CCSER2: variants seen among roughly 807,000 people sequenced by gnomAD.
CCSER2 encodes the protein serine-rich coiled-coil domain-containing protein 2.
CCSER2 carries 46 observed loss-of-function variants against 92.3 expected under a neutral mutation model. The observed-to-expected ratio is 0.50, with a 90% CI of 0.39 to 0.64. The LOEUF (loss-of-function observed/expected upper bound fraction) is 0.64, where lower values mean the gene tolerates loss of function less well. Among genes scored for constraint, CCSER2 ranks in the 30% least tolerant of loss-of-function variants. CCSER2 has a pLI of 0.00. For synonymous variants in CCSER2, 433 were observed against 431.4 expected, an observed-to-expected ratio of 1.00 and a Z score of -0.04; for missense variants, 1,244 against 1,238.9, an observed-to-expected ratio of 1.00 and a Z score of -0.06.
At chr10:84,439,644 G>A (rs961273555) in intron 6 of CCSER2, among the ~76,000 whole-genome samples, 1 of 152,164 alleles carries the variant, frequency 6.6e-6, no homozygotes, top group Non-Finnish European at 1.5e-5. Flanking sequence ...CTGTTACTCA[G>A]GGATCTTCTG....
At chr10:84,410,654 C>G (rs1360909483) in intron 3 of CCSER2, among the ~76,000 whole-genome samples, 1 of 152,184 alleles carries the variant, frequency 6.6e-6, no homozygotes, top group Non-Finnish European at 1.5e-5. Context: ...CTTGTAGAGT[C>G]TAGTGACTAG....
chr10:84,484,478 T>C (rs1847683297), intron 9 of CCSER2, among the ~76,000 whole-genome samples: 2 of 140,378 alleles, frequency 1.4e-5, no homozygotes, highest in Non-Finnish European at 3.0e-5. Flanking sequence ...GTTGCATGCA[T>C]GTGTGCATGC....
At chr10:84,347,853 CGG>C (rs1341018191) in intron 1 of CCSER2, among the ~76,000 whole-genome samples, 18 of 150,944 alleles carry the variant, frequency 1.2e-4, no homozygotes, top group Admixed American at 1.2e-3. Flanking sequence ...ACATCCCAGA[CGG>C]GGCGGCGGGG....
chr10:84,463,613 T>G (rs1846226668), intron 6 of CCSER2, among the ~76,000 whole-genome samples: 1 of 152,234 alleles, frequency 6.6e-6, no homozygotes, highest in Non-Finnish European at 1.5e-5. Flanking sequence ...ACACTTTTCC[T>G]AGGTGAAACA....
chr10:84,414,980 T>C (rs947863989), intron 3 of CCSER2, among the ~76,000 whole-genome samples: 3 of 152,236 alleles, frequency 2.0e-5, no homozygotes, highest in South Asian at 2.1e-4. Context: ...TCTCATGTTA[T>C]GATTTTTAGC....
intron 1 of CCSER2, among the ~76,000 whole-genome samples, chr10:84,369,564 T>C (rs1845958254): frequency 6.6e-6 from 1 of 152,152 alleles, no homozygotes; most frequent in Admixed American, 6.5e-5. Flanking sequence ...TGGATACTAA[T>C]CTTTTGTTAG....
In CCSER2 at chr10:84,470,261, T is replaced by TC. The variant is rs370598239; in HGVS notation, c.2149-105dup. 5.8e-5 allele frequency: 31 copies of TC among 533,082 alleles called. 1 individual carries two copies. The highest frequency in any genetic ancestry group is 4.8e-4 in the African/African-American group (24 of 50,292). The allele number at this position is 533,082 out of a possible 1,614,324, so 33.0% of individuals were successfully genotyped here. Reference sequence around the variant, plus strand: ...TTAGATTTTTTTTTAATAGAGGATTTCCCCCCTAAATGACCAGATAGTTTG... The same window carrying TC: ...TTAGATTTTTTTTTAATAGAGGATTTCCCCCCCTAAATGACCAGATAGTTTG... On this transcript the variant is annotated intron_variant, in intron 7 of 9. Coordinates refer to ENST00000372088, the MANE Select transcript of CCSER2 (RefSeq NM_001284240.2).
At chr10:84,446,291 A>G (rs1844911116) in intron 6 of CCSER2, among the ~76,000 whole-genome samples, 1 of 152,192 alleles carries the variant, frequency 6.6e-6, no homozygotes, top group Non-Finnish European at 1.5e-5. Context: ...AGGAGTATAT[A>G]ATAGTATTTT....
chr10:84,345,802 A>G (rs1452475125), intron 1 of CCSER2, among the ~76,000 whole-genome samples: 2 of 152,126 alleles, frequency 1.3e-5, no homozygotes, highest in Non-Finnish European at 2.9e-5. Flanking sequence ...TTTATTAATC[A>G]TATTTTATAA....
At chr10:84,356,859 ATG>A (rs369264053) in intron 1 of CCSER2, among the ~76,000 whole-genome samples, 1 of 152,000 alleles carries the variant, frequency 6.6e-6, no homozygotes, top group Non-Finnish European at 1.5e-5. Context: ...GTTATACATT[ATG>A]TGTGTGTGTG....
chr10:84,443,855 A>G (rs532240570), intron 6 of CCSER2, among the ~76,000 whole-genome samples: 2 of 152,270 alleles, frequency 1.3e-5, no homozygotes, highest in African/African-American at 4.8e-5. Flanking sequence ...ACATAGATAG[A>G]GCTGGAAACC....
At chr10:84,482,753 A>G (rs1847528630) in intron 9 of CCSER2, among the ~76,000 whole-genome samples, 1 of 152,212 alleles carries the variant, frequency 6.6e-6, no homozygotes, top group South Asian at 2.1e-4. Flanking sequence ...AGAACAGGTT[A>G]GACCCAAAGG....
chr10:84,406,575 C>CA (rs1842388819), intron 3 of CCSER2, among the ~76,000 whole-genome samples: 1 of 152,114 alleles, frequency 6.6e-6, no homozygotes, highest in South Asian at 2.1e-4. Context: ...CATATGTGCT[C>CA]AGAGTTTTAA....
intron 9 of CCSER2, among the ~76,000 whole-genome samples, chr10:84,507,745 A>G (rs1381579765): frequency 6.6e-6 from 1 of 152,212 alleles, no homozygotes; most frequent in Non-Finnish European, 1.5e-5. Flanking sequence ...GAAGTGTCGT[A>G]AAACAGTAAA....
At chr10:84,444,233 G>A (rs1844769798) in intron 6 of CCSER2, among the ~76,000 whole-genome samples, 1 of 152,140 alleles carries the variant, frequency 6.6e-6, no homozygotes, top group Non-Finnish European at 1.5e-5. Flanking sequence ...TGCCATAAAG[G>A]TAGCTGGGGC....
chr10:84,391,735 C>T (rs2133261774), intron 3 of CCSER2: 1 of 1,492,126 alleles, frequency 6.7e-7, no homozygotes, highest in East Asian at 2.3e-5. Flanking sequence ...AAGAGGTGGC[C>T]CCCATGCTAC....
At chr10:84,352,466 G>A (rs1844917068) in intron 1 of CCSER2, among the ~76,000 whole-genome samples, 1 of 151,900 alleles carries the variant, frequency 6.6e-6, no homozygotes, top group African/African-American at 2.4e-5. Flanking sequence ...GCTAGTTATT[G>A]GAGAAGCTCT....
At chr10:84,394,356 A>G (rs1157461991) in intron 3 of CCSER2, among the ~76,000 whole-genome samples, 2 of 149,828 alleles carry the variant, frequency 1.3e-5, no homozygotes, top group Non-Finnish European at 3.0e-5. Context: ...ATTAGTATGC[A>G]TATGCTCTTG....
At chr10:84,474,662 CAAAAAAAAAAAAAAA>C (rs397844899) in intron 8 of CCSER2, among the ~76,000 whole-genome samples, 3 of 65,856 alleles carry the variant, frequency 4.6e-5, no homozygotes, top group Non-Finnish European at 8.7e-5. Flanking sequence ...GACTCCATCT[CAAAAAAAAAAAAAAA>C]AAAAAAAAAA....
Sources: gnomAD v4.1 joint callset for allele counts (sites outside exome capture counted in the v4.1 genomes callset) on GRCh38, gnomAD v4.1.1 for gene constraint, MANE v1.5 for transcripts, NCBI Gene and HGNC (gene_info 2026-07-23, HGNC 2026-07-21) for gene names.